Variants in FRMD5 observed in about 807,000 individuals in gnomAD.
FRMD5 encodes FERM domain containing 5, also known as FERM domain-containing protein 5.
FRMD5 carries 20 observed loss-of-function variants against 69.0 expected under a neutral mutation model. The observed-to-expected ratio is 0.29, with a 90% CI of 0.20 to 0.42. The LOEUF (loss-of-function observed/expected upper bound fraction) is 0.42. FRMD5 is among the 10% of genes least tolerant of loss of function. The probability of loss-of-function intolerance (pLI) is 1.00; values close to 1 mark genes in which losing one functional copy is unlikely to be tolerated. For synonymous variants in FRMD5, 271 were observed against 260.1 expected (o/e 1.04, Z -0.40); for missense variants, 595 against 708.6 (o/e 0.84, Z 1.82).
At chr15:44,155,290 GGCATGGTGGCACGTGCCTGTAGTCCCA>G (rs1489877421) in intron 1 of FRMD5, among the ~76,000 whole-genome samples, 35 of 152,000 alleles carry the variant, frequency 2.3e-4, no homozygotes, top group African/African-American at 7.7e-4. Context: ...AAATTAGCTG[GGCATGGTGGCACGTGCCTGTAGTCCCA>G]GCTACTCAGG....
At chr15:43,883,203 G>A (rs1277883803) in intron 13 of FRMD5, among the ~76,000 whole-genome samples, 1 of 151,494 alleles carries the variant, frequency 6.6e-6, no homozygotes, top group African/African-American at 2.4e-5. Flanking sequence ...AGGCTCAAGC[G>A]AGTCTCCTAC....
intron 1 of FRMD5, among the ~76,000 whole-genome samples, chr15:43,935,982 GA>G (rs1286977546): frequency 6.6e-6 from 1 of 152,150 alleles, no homozygotes; most frequent in Non-Finnish European, 1.5e-5. Context: ...AGACATACCT[GA>G]AAAAGTGACT....
At chr15:44,101,966 T>G (rs2076647244) in intron 1 of FRMD5, among the ~76,000 whole-genome samples, 1 of 152,238 alleles carries the variant, frequency 6.6e-6, no homozygotes, top group African/African-American at 2.4e-5. Context: ...ATTGCAGGGT[T>G]GAAAAGCTTT....
At position 43,900,371 on chromosome 15, in the gene FRMD5, G is replaced by A. The variant is rs981220813; in HGVS notation, c.639+1804C>T. Among the ~76,000 whole-genome samples, 3 of 152,308 alleles carry A rather than the reference G, an allele frequency of 2.0e-5. No individual in the cohort carries two copies. The East Asian group carries it at 5.8e-4, about 29-fold the overall frequency. ...TTTGCTAATGTGTAAATATCCAAAT[G>A]TCAATTCTCTGGTATAACAGGCATG... On this transcript the variant is annotated intron_variant, in intron 7 of 13. Coordinates refer to ENST00000417257, the MANE Select transcript of FRMD5 (RefSeq NM_032892.5).
intron 1 of FRMD5, among the ~76,000 whole-genome samples, chr15:44,136,998 G>A (rs1013859781): frequency 1.3e-5 from 2 of 152,056 alleles, no homozygotes; most frequent in African/African-American, 4.8e-5. Flanking sequence ...TCAATTGCAG[G>A]TATAAAAAAA....
intron 1 of FRMD5, among the ~76,000 whole-genome samples, chr15:44,180,405 TAA>T (rs2077977135): frequency 6.6e-6 from 1 of 152,222 alleles, no homozygotes; most frequent in Admixed American, 6.5e-5. Context: ...ATAATATTCA[TAA>T]CTTATCAGTA....
chr15:44,158,793 G>A (rs2555376), intron 1 of FRMD5, among the ~76,000 whole-genome samples: 133,176 of 152,202 alleles, frequency 0.87, 59,155 homozygotes, highest in East Asian at 1. Context: ...GCTGAGTCCA[G>A]TCATTTATTC....
At chr15:43,965,809 A>G (rs1394345375) in intron 1 of FRMD5, among the ~76,000 whole-genome samples, 1 of 151,242 alleles carries the variant, frequency 6.6e-6, no homozygotes, top group African/African-American at 2.4e-5. Context: ...CGAACTCCTG[A>G]CCTCAGGTGA....
intron 1 of FRMD5, among the ~76,000 whole-genome samples, chr15:43,927,861 G>C (rs1306099138): frequency 6.6e-6 from 1 of 152,034 alleles, no homozygotes; most frequent in African/African-American, 2.4e-5. Context: ...ATAGCTATAG[G>C]GAAAACATGC....
chr15:44,184,494 A>G (rs2078066094), intron 1 of FRMD5, among the ~76,000 whole-genome samples: 1 of 152,192 alleles, frequency 6.6e-6, no homozygotes, highest in Non-Finnish European at 1.5e-5. Context: ...CACATATCAC[A>G]TTATGCCTTA....
intron 1 of FRMD5, among the ~76,000 whole-genome samples, chr15:44,153,744 G>A (rs1370914037): frequency 6.6e-6 from 1 of 152,212 alleles, no homozygotes; most frequent in East Asian, 1.9e-4. Context: ...CCAGGCGGGT[G>A]AATCACCTGC....
chr15:44,177,968 G>C (rs1449464092), intron 1 of FRMD5, among the ~76,000 whole-genome samples: 1 of 152,138 alleles, frequency 6.6e-6, no homozygotes, highest in Non-Finnish European at 1.5e-5. Flanking sequence ...AAAATTCATA[G>C]AACTGTACAG....
intron 1 of FRMD5, among the ~76,000 whole-genome samples, chr15:44,017,592 T>C (rs989254440): frequency 3.3e-5 from 5 of 151,736 alleles, no homozygotes; most frequent in Non-Finnish European, 7.4e-5. Flanking sequence ...ATTGATCTAA[T>C]AGCATTAATC....
intron 1 of FRMD5, among the ~76,000 whole-genome samples, chr15:44,027,278 T>TG (rs1319196020): frequency 6.6e-6 from 1 of 152,126 alleles, no homozygotes; most frequent in African/African-American, 2.4e-5. Flanking sequence ...TCCATAACGA[T>TG]GGTCACTTCT....
chr15:44,013,887 C>T (rs1301892669), intron 1 of FRMD5, among the ~76,000 whole-genome samples: 2 of 143,406 alleles, frequency 1.4e-5, no homozygotes, highest in Non-Finnish European at 3.0e-5. Context: ...GACAGAGTCT[C>T]ACTCTGTTGC....
chr15:43,985,735 G>A (rs142965816), intron 1 of FRMD5, among the ~76,000 whole-genome samples: 1,570 of 152,216 alleles, frequency 0.01, 12 homozygotes, highest in Non-Finnish European at 0.018. Context: ...ATTTGCAAAC[G>A]ATCACAAGCT....
chr15:44,112,431 A>C (rs1308485601), intron 1 of FRMD5, among the ~76,000 whole-genome samples: 1 of 152,052 alleles, frequency 6.6e-6, no homozygotes, highest in Non-Finnish European at 1.5e-5. Context: ...AAAATGTAAT[A>C]AAAAAGGAAT....
chr15:44,137,355 T>C (rs2077202294), intron 1 of FRMD5, among the ~76,000 whole-genome samples: 1 of 152,336 alleles, frequency 6.6e-6, no homozygotes, highest in Admixed American at 6.5e-5. Flanking sequence ...CTCTGAGGAA[T>C]GCAGCCCATG....
intron 1 of FRMD5, among the ~76,000 whole-genome samples, chr15:44,036,079 G>A (rs1354066572): frequency 6.6e-6 from 1 of 152,072 alleles, no homozygotes; most frequent in Non-Finnish European, 1.5e-5. Flanking sequence ...AAAATTAAAG[G>A]AACAAATCCT....
Sources: allele counts gnomAD v4.1 joint callset (sites outside exome capture counted in the v4.1 genomes callset), GRCh38; gene constraint gnomAD v4.1.1; transcripts MANE v1.5; gene names NCBI Gene and HGNC (gene_info 2026-07-23, HGNC 2026-07-21).